NOX4: variants seen among roughly 807,000 people sequenced by gnomAD.
NOX4 encodes the protein NADPH oxidase 4, also known as kidney oxidase-1.
A neutral mutation model predicts 87.6 loss-of-function variants in NOX4; 69 were observed. That is an observed-to-expected ratio of 0.79 (90% CI 0.65 to 0.96). The LOEUF (loss-of-function observed/expected upper bound fraction) is 0.96, where lower values mean the gene tolerates loss of function less well. Ranked by LOEUF, NOX4 falls within the 40% of genes least tolerant of loss-of-function variation. NOX4 has a pLI of 0.00. For missense variants in NOX4, 680 were observed against 681.5 expected, an observed-to-expected ratio of 1.00 and a Z score of 0.02; for synonymous variants, 275 against 238.2, an observed-to-expected ratio of 1.15 and a Z score of -1.42.
intron 14 of NOX4, 44 bp from the exon 15 acceptor site, chr11:89,340,215 C>A: frequency 8.2e-7 from 1 of 1,220,540 alleles, no homozygotes. Context: ...ATGGCAAACA[C>A]AAATATTAAA....
chr11:89,485,984 G>A (rs2135483748), intron 2 of NOX4, among the ~76,000 whole-genome samples: 1 of 152,072 alleles, frequency 6.6e-6, no homozygotes, highest in African/African-American at 2.4e-5. Context: ...GACCAGTCTG[G>A]GGAAGGATAA....
At chr11:89,423,419 A>C (rs1331272147) in intron 7 of NOX4, among the ~76,000 whole-genome samples, 1 of 152,068 alleles carries the variant, frequency 6.6e-6, no homozygotes, top group African/African-American at 2.4e-5. Context: ...ATAGACCTAC[A>C]TTTGCTTAAA....
At chr11:89,364,949 G>T (rs1193487948) in intron 12 of NOX4, among the ~76,000 whole-genome samples, 1 of 151,966 alleles carries the variant, frequency 6.6e-6, no homozygotes, top group Non-Finnish European at 1.5e-5. Flanking sequence ...TTAAAGAAAA[G>T]ACAAAAACAA....
At chr11:89,551,839 G>A in the NOX4 span, among the ~76,000 whole-genome samples, 2 of 151,930 alleles carry the variant, frequency 1.3e-5, no homozygotes, top group African/African-American at 4.8e-5. Flanking sequence ...TTGAATAGAA[G>A]TGGTAAGAGA....
chr11:89,368,404 A>T (rs1194500376), intron 12 of NOX4, among the ~76,000 whole-genome samples: 1 of 152,088 alleles, frequency 6.6e-6, no homozygotes, highest in Non-Finnish European at 1.5e-5. Flanking sequence ...TTTATTTATC[A>T]CAGTTCTAAA....
intron 6 of NOX4, among the ~76,000 whole-genome samples, chr11:89,434,721 A>T (rs1360843361): frequency 2.6e-5 from 4 of 152,050 alleles, no homozygotes; most frequent in African/African-American, 7.2e-5. Flanking sequence ...TCATCAACAG[A>T]TTAATGGATA....
chr11:89,538,237 T>C, the NOX4 span, among the ~76,000 whole-genome samples: 1 of 152,204 alleles, frequency 6.6e-6, no homozygotes, highest in African/African-American at 2.4e-5. Flanking sequence ...ACAGCCTACA[T>C]GTAGTTGTTT....
rs554762872 is a variant in NOX4 at position 89,399,900 on chromosome 11, A to G, written c.1074+117T>C. On this transcript the variant is annotated intron_variant, in intron 11 of 17. Transcript: ENST00000263317. ...TTCCTTGTAAAAAGATAGCTTACTT[A>G]AACATCAAGAGTACTATGATAGCCT... 13 of 611,464 alleles carry G rather than the reference A, an allele frequency of 2.1e-5. No homozygotes were observed. The South Asian group carries it at 3.4e-4, about 16-fold the overall frequency. 37.9% of individuals were successfully genotyped at this position (611,464 alleles called of 1,614,324 possible). A position where few individuals can be genotyped will look rare whatever the true frequency, so the allele number is the denominator to read the frequency against.
Position 89,491,295 on chromosome 11 carries a change from A to G in NOX4, c.-49T>C. Reference sequence around the variant, plus strand: ...CTCTGTGCCCGCCGGACCGAGAAGGAGCGGGCGGCGGCCGGGGCAGCGGTT... The same window carrying G: ...CTCTGTGCCCGCCGGACCGAGAAGGGGCGGGCGGCGGCCGGGGCAGCGGTT... On this transcript the variant is annotated 5_prime_UTR_variant, in exon 1 of 18. Transcript: ENST00000263317. The G allele has an allele frequency of 6.4e-7, 1 of 1,568,922 alleles. No homozygotes were observed.
intron 5 of NOX4, among the ~76,000 whole-genome samples, chr11:89,442,574 T>C (rs1012944934): frequency 2.0e-5 from 3 of 152,104 alleles, no homozygotes; most frequent in Non-Finnish European, 2.9e-5. Context: ...TAAAAGTATA[T>C]TTATGCAAAC....
chr11:89,369,949 CA>C (rs1939317585), intron 12 of NOX4, among the ~76,000 whole-genome samples: 1 of 151,596 alleles, frequency 6.6e-6, no homozygotes, highest in African/African-American at 2.4e-5. Flanking sequence ...ATACTTTAAA[CA>C]CGTAACACAT....
At chr11:89,339,564 C>A (rs766357027) in intron 15 of NOX4, among the ~76,000 whole-genome samples, 6 of 152,024 alleles carry the variant, frequency 3.9e-5, no homozygotes, top group East Asian at 1.9e-4. Flanking sequence ...GGAAAAGATT[C>A]CTGCTTTATC....
the NOX4 span, among the ~76,000 whole-genome samples, chr11:89,507,367 T>A: frequency 6.6e-6 from 1 of 151,446 alleles, no homozygotes; most frequent in African/African-American, 2.4e-5. Flanking sequence ...TATGTCCATG[T>A]ATAGATATGC....
the NOX4 span, chr11:89,548,734 T>C: frequency 2.0e-5 from 3 of 152,342 alleles, no homozygotes; most frequent in African/African-American, 7.2e-5. Context: ...ATTATTTGAA[T>C]ATCTTAAGAA....
intron 4 of NOX4, among the ~76,000 whole-genome samples, chr11:89,447,177 G>T (rs1358010084): frequency 2.0e-5 from 3 of 152,040 alleles, no homozygotes; most frequent in Non-Finnish European, 4.4e-5. Flanking sequence ...TATGGCACAG[G>T]TATAAAATAC....
chr11:89,481,481 T>G (rs79471176), intron 2 of NOX4, among the ~76,000 whole-genome samples: 20 of 152,144 alleles, frequency 1.3e-4, no homozygotes, highest in African/African-American at 4.6e-4. Context: ...ATTTTATGAG[T>G]AGGGTTTACA....
rs182468659 is a variant in NOX4, at chr11:89,330,424, G to C, written c.1617-3548C>G. 3.6e-3 allele frequency among the ~76,000 whole-genome samples: 549 copies of C among 152,050 alleles called. 3 individuals are homozygous for C. Among genetic ancestry groups the C allele is most frequent in the African/African-American group, 0.013 (525 of 41,516 alleles). On this transcript the variant is annotated intron_variant, in intron 17 of 17. Coordinates refer to ENST00000263317, the MANE Select transcript of NOX4 (RefSeq NM_016931.5). ...GCTAATGATGTATACTGTAAACTTA[G>C]AACAATGTTTCTTTAATTTTGGCTT...
the NOX4 span, among the ~76,000 whole-genome samples, chr11:89,560,254 C>A: frequency 6.6e-6 from 1 of 152,078 alleles, no homozygotes; most frequent in Non-Finnish European, 1.5e-5. Context: ...CAATGACCTC[C>A]GTCAGAAGCT....
intron 13 of NOX4, 89 bp from the exon 14 acceptor site, chr11:89,342,282 C>T: frequency 8.2e-7 from 1 of 1,225,956 alleles, no homozygotes; most frequent in Non-Finnish European, 1.2e-6. Context: ...TGAATGCAAT[C>T]TCTAGATTTT....
Sources: gnomAD v4.1 joint callset for allele counts (sites outside exome capture counted in the v4.1 genomes callset) on GRCh38, gnomAD v4.1.1 for gene constraint, MANE v1.5 for transcripts, NCBI Gene and HGNC (gene_info 2026-07-23, HGNC 2026-07-21) for gene names.